Variants in BRCA1 observed in about 807,000 individuals in gnomAD.
The protein encoded by BRCA1 is BRCA1 DNA repair associated.
Under a neutral mutation model 173.7 loss-of-function variants are expected in BRCA1, and 140 were observed. The ratio of observed to expected loss-of-function variants is 0.81; its 90% CI spans 0.70 to 0.93. The LOEUF (loss-of-function observed/expected upper bound fraction) is 0.93, where lower values mean the gene tolerates loss of function less well. BRCA1 is among the 40% of genes least tolerant of loss of function. The pLI is 0.00. For missense variants in BRCA1, 1,983 were observed against 2,172.5 expected (o/e 0.91, Z 1.73); for synonymous variants, 662 against 756.0 (o/e 0.88, Z 2.04).
At chr17:43,147,803 G>A (rs1185383086) in intron 1 of BRCA1, among the ~76,000 whole-genome samples, 8 of 105,904 alleles carry the variant, frequency 7.6e-5, no homozygotes, top group Admixed American at 6.4e-4. Context: ...AGCCTTGAAG[G>A]AGATGAGTGC....
chr17:43,158,935 A>G (rs183298426), intron 1 of BRCA1, among the ~76,000 whole-genome samples: 35 of 152,332 alleles, frequency 2.3e-4, no homozygotes, highest in Admixed American at 2.2e-3. Flanking sequence ...TGGTATTTCA[A>G]TCAAGATTTT....
At chr17:43,140,647 A>G (rs2056068853) in intron 1 of BRCA1, among the ~76,000 whole-genome samples, 1 of 152,140 alleles carries the variant, frequency 6.6e-6, no homozygotes, top group Admixed American at 6.5e-5. Context: ...CCAGCCGACC[A>G]AGAGCAGAAC....
intron 22 of BRCA1, among the ~76,000 whole-genome samples, chr17:43,046,292 A>G (rs1358520912): frequency 2.2e-5 from 3 of 135,942 alleles, no homozygotes; most frequent in Non-Finnish European, 3.0e-5. Flanking sequence ...ATGCAATGGC[A>G]CGATCTCAGC....
intron 1 of BRCA1, chr17:43,138,567 A>AT: frequency 1.4e-6 from 1 of 699,242 alleles, no homozygotes; most frequent in South Asian, 1.6e-5. Context: ...ACCTCCAAGT[A>AT]TAAGTAGGGC....
Position 43,107,032 on chromosome 17 carries a change from C to T in BRCA1, c.135-499G>A, listed in dbSNP as rs8176126. ...ACTCATACATACATCTGTGATCAAG[C>T]GATTTTCAACAATAATAAATACCAA... On this transcript the variant is annotated intron_variant, in intron 3 of 22. Transcript: ENST00000357654. Among the ~76,000 whole-genome samples, 47,476 of 150,224 alleles carry T rather than the reference C, an allele frequency of 0.32. 7,820 individuals are homozygous for T. Among genetic ancestry groups the T allele is most frequent in the South Asian group, 0.49 (2,372 of 4,792 alleles).
In BRCA1 at chr17:43,047,675, G is replaced by C. The variant is rs2050986502; in HGVS notation, c.5435C>G (p.Pro1812Arg). ...GCCATTGTCCTCTGTCCAGGCATCT[G>C]GCTGCACAACCACAATTGGGTGGAC... ...TGVHPIVVVQ[P>R]DAWTEDNGFH... Residue 1812 changes from proline to arginine, a missense_variant, in exon 22 of 23, where the codon CCA becomes CGA. Transcript: ENST00000357654. 1 of 1,614,160 alleles carries C rather than the reference G, an allele frequency of 6.2e-7. No homozygotes were observed. The highest frequency in any genetic ancestry group is 8.5e-7 in the Non-Finnish European group (1 of 1,180,034).
In BRCA1 at chr17:43,146,299, CTTTTTTTTTT is replaced by C. The variant is rs774223347; in HGVS notation, c.-19-22194_-19-22185del. ...TACGTGGCTTTTTAGATTTTTGTTACTTTTTTTTTTTTTTTTTTTTTTTTTTTGAGATGGA... is the reference window on the plus strand; with the variant it reads ...TACGTGGCTTTTTAGATTTTTGTTACTTTTTTTTTTTTTTTTTGAGATGGA... On this transcript the variant is annotated intron_variant, in intron 1 of 7. Coordinates refer to the BRCA1 transcript ENST00000634433. Among the ~76,000 whole-genome samples, 350 of 76,122 alleles carry C rather than the reference CTTTTTTTTTT, an allele frequency of 4.6e-3. 1 individual carries two copies. Among genetic ancestry groups the C allele is most frequent in the African/African-American group, 0.017 (285 of 16,374 alleles). 49.9% of individuals were successfully genotyped at this position (76,122 alleles called of 152,430 possible).
intron 12 of BRCA1, chr17:43,079,278 AC>A: frequency 1.5e-6 from 2 of 1,376,082 alleles, no homozygotes; most frequent in Non-Finnish European, 2.0e-6. Flanking sequence ...GGCCAGAACC[AC>A]CATCTTTCAG....
chr17:43,083,825 G>A (rs2053122209), intron 11 of BRCA1, among the ~76,000 whole-genome samples: 2 of 152,118 alleles, frequency 1.3e-5, no homozygotes, highest in Admixed American at 1.3e-4. Flanking sequence ...ATTTAGGTAT[G>A]TAAGGAGTTT....
intron 1 of BRCA1, chr17:43,139,711 G>A (rs548954759): frequency 8.1e-6 from 3 of 368,724 alleles, no homozygotes; most frequent in Non-Finnish European, 1.6e-5. Context: ...CCTCAGGTAG[G>A]GCCCAGTGTC....
intron 1 of BRCA1, chr17:43,124,785 C>G (rs1389398235): frequency 3.9e-6 from 1 of 255,542 alleles, no homozygotes; most frequent in African/African-American, 2.3e-5. Context: ...TTGAGACAGT[C>G]TCGCTCTGTC....
chr17:43,066,625 G>A (rs903695869), intron 16 of BRCA1, among the ~76,000 whole-genome samples: 1 of 151,660 alleles, frequency 6.6e-6, no homozygotes, highest in Non-Finnish European at 1.5e-5. Context: ...TGGCCAGGCT[G>A]GTCTCGAACT....
chr17:43,092,636 G>C lies in BRCA1; in HGVS notation c.2895C>G (p.Leu965=), dbSNP rs1555588774. The C allele has an allele frequency of 1.2e-6, 2 of 1,614,098 alleles. No homozygotes were observed. Among genetic ancestry groups the C allele is most frequent in the Non-Finnish European group, 1.7e-6 (2 of 1,180,014 alleles). ...SSQFRGNETG[L]ITPNKHGLLQ... ...AAAGTCCATGTTTATTTGGAGTAAT[G>C]AGTCCAGTTTCGTTGCCTCTGAACT... Residue 965 remains leucine, a synonymous_variant, in exon 10 of 23, where the codon CTC becomes CTG. Coordinates refer to ENST00000357654, the MANE Select transcript of BRCA1 (RefSeq NM_007294.4).
chr17:43,074,658 A>C, intron 13 of BRCA1, 137 bp from the exon 14 acceptor site: 1 of 776,240 alleles, frequency 1.3e-6, no homozygotes, highest in Non-Finnish European at 2.2e-6. Flanking sequence ...AGAGCCCGCA[A>C]GACAGCCTAG....
chr17:43,112,811 T>G (rs2055102045), intron 3 of BRCA1, among the ~76,000 whole-genome samples: 3 of 150,180 alleles, frequency 2.0e-5, no homozygotes, highest in Admixed American at 1.3e-4. Context: ...TTTTTGTTGT[T>G]TTTTTTTTTT....
intron 1 of BRCA1, among the ~76,000 whole-genome samples, chr17:43,149,551 TAAAAG>T (rs1397603491): frequency 6.6e-6 from 1 of 151,954 alleles, no homozygotes; most frequent in Non-Finnish European, 1.5e-5. Flanking sequence ...TAAACTATAA[TAAAAG>T]AGAAAGCAGA....
At chr17:43,158,376 C>T (rs1006841907) in intron 1 of BRCA1, among the ~76,000 whole-genome samples, 1 of 152,098 alleles carries the variant, frequency 6.6e-6, no homozygotes, top group Non-Finnish European at 1.5e-5. Context: ...TTGTTTTCCT[C>T]TTGTTTTTGT....
intron 2 of BRCA1, among the ~76,000 whole-genome samples, chr17:43,120,835 G>C (rs2055519072): frequency 6.6e-6 from 1 of 152,212 alleles, no homozygotes; most frequent in South Asian, 2.1e-4. Flanking sequence ...GGAAGGCCGA[G>C]GCGGGTGGAT....
intron 19 of BRCA1, among the ~76,000 whole-genome samples, chr17:43,054,745 T>C (rs2051388343): frequency 2.4e-5 from 1 of 42,112 alleles, no homozygotes; most frequent in East Asian, 6.4e-4. Flanking sequence ...CCAGCTGGGA[T>C]TTTTTTTTTT....
Sources: gnomAD v4.1 joint callset for allele counts (sites outside exome capture counted in the v4.1 genomes callset) on GRCh38, gnomAD v4.1.1 for gene constraint, MANE v1.5 for transcripts, NCBI Gene and HGNC (gene_info 2026-07-23, HGNC 2026-07-21) for gene names.